The following PLAGL1 variants were observed in gnomAD, a reference collection of about 807,000 sequenced individuals.
PLAGL1 encodes the protein zinc finger protein PLAGL1.
In PLAGL1, 1 loss-of-function variant was observed where a neutral mutation model predicts 4.6. The observed-to-expected ratio is 0.22, with a 90% confidence interval of 0.08 to 1.03. The LOEUF (loss-of-function observed/expected upper bound fraction) is 1.03, where lower values mean the gene tolerates loss of function less well. Ranked by LOEUF, PLAGL1 falls within the 50% of genes least tolerant of loss-of-function variation. The pLI, the probability that PLAGL1 is intolerant of heterozygous loss-of-function variation, is 0.58. For synonymous variants in PLAGL1, 240 were observed against 237.8 expected, an observed-to-expected ratio of 1.01 and a Z score of -0.08; for missense variants, 464 against 570.4, an observed-to-expected ratio of 0.81 and a Z score of 1.90.
In PLAGL1 at chr6:143,973,261, C is replaced by G. The variant is rs1384959628; in HGVS notation, c.-543-4283G>C. Reference sequence around the variant, plus strand: ...AGATCAAAGGCCCACCTCTCTTTCCCTCCATTGCTTTCATTAGGCCCAGCC... The same window carrying G: ...AGATCAAAGGCCCACCTCTCTTTCCGTCCATTGCTTTCATTAGGCCCAGCC... On this transcript the variant is annotated intron_variant, in intron 2 of 7. Transcript: ENST00000674357. This position sits in a 1 kb window ranked among gnomAD's most constrained non-coding sequence, Gnocchi z 6.2. Among the ~76,000 whole-genome samples the G allele has an allele frequency of 6.6e-6, 1 of 152,210 alleles. No homozygotes were observed. The highest frequency in any genetic ancestry group is 1.5e-5 in the Non-Finnish European group (1 of 68,036).
chr6:144,040,161 T>G (rs554158108), intron 1 of PLAGL1, among the ~76,000 whole-genome samples: 21 of 152,216 alleles, frequency 1.4e-4, no homozygotes, highest in Non-Finnish European at 2.6e-4. Context: ...TCATGGTAAG[T>G]ACTAAATACA....
chr6:144,052,336 T>A (rs1798637842), intron 1 of PLAGL1, among the ~76,000 whole-genome samples: 1 of 152,218 alleles, frequency 6.6e-6, no homozygotes, highest in Non-Finnish European at 1.5e-5. Context: ...TGATATTCAA[T>A]AAGGGTCCTT....
In PLAGL1 at chr6:143,963,259, C is replaced by T. The variant is rs1783742854; in HGVS notation, c.-399+1528G>A. ...CCTTGAAGTCAGAAGCCTCCCAAAT[C>T]TCTATCTTCAATCCTGAACTTTCTT... On this transcript the variant is annotated intron_variant, in intron 5 of 7. Coordinates refer to ENST00000674357, the MANE Select transcript of PLAGL1 (RefSeq NM_001317162.2). This position sits in a 1 kb window ranked among gnomAD's most constrained non-coding sequence, Gnocchi z 6.1. 6.6e-6 allele frequency among the ~76,000 whole-genome samples: 1 copy of T among 152,218 alleles called. No individual in the cohort carries two copies. The highest frequency in any genetic ancestry group is 2.4e-5 in the African/African-American group (1 of 41,460).
chr6:144,018,807 G>A (rs1583726314), intron 1 of PLAGL1, among the ~76,000 whole-genome samples: 1 of 152,176 alleles, frequency 6.6e-6, no homozygotes, highest in East Asian at 1.9e-4. Context: ...CACATATGTA[G>A]TATTCCTGCC....
Position 143,983,319 on chromosome 6 carries a change from C to A in PLAGL1, c.-544+1816G>T, listed in dbSNP as rs1788346719. On this transcript the variant is annotated intron_variant, in intron 2 of 7. Coordinates refer to ENST00000674357, the MANE Select transcript of PLAGL1 (RefSeq NM_001317162.2). This position sits in a 1 kb window ranked among gnomAD's most constrained non-coding sequence, Gnocchi z 6.6. ...ACTTTGGTGGAATGCCCAGACAGAA[C>A]TGAGAAATTGTGTAAAAGGAAGCAG... Among the ~76,000 whole-genome samples, 2 of 152,070 alleles carry A rather than the reference C, an allele frequency of 1.3e-5. No homozygotes were observed. Among genetic ancestry groups the A allele is most frequent in the African/African-American group, 4.8e-5 (2 of 41,400 alleles).
chr6:144,042,476 A>G (rs1797819700), intron 1 of PLAGL1, among the ~76,000 whole-genome samples: 1 of 152,150 alleles, frequency 6.6e-6, no homozygotes, highest in Non-Finnish European at 1.5e-5. Flanking sequence ...CAAAGACCAG[A>G]TGGTTGTAGA....
At position 144,050,322 on chromosome 6, in the gene PLAGL1, C is replaced by T. The variant is rs56361400; in HGVS notation, c.-151+14146G>A. 6.6e-6 allele frequency among the ~76,000 whole-genome samples: 1 copy of T among 152,164 alleles called. No homozygotes were observed. On this transcript the variant is annotated intron_variant, in intron 1 of 3. Coordinates refer to the PLAGL1 transcript ENST00000437412. This position sits in a 1 kb window ranked among gnomAD's most constrained non-coding sequence, Gnocchi z 4.3. ...CCTTGAAATCGACTGCTGAACTCAA[C>T]TAAGTGAAATATGTCCATAACACAA...
chr6:144,043,197 A>G lies in PLAGL1; in HGVS notation c.-151+21271T>C, dbSNP rs536002922. 1.5e-4 allele frequency among the ~76,000 whole-genome samples: 23 copies of G among 152,330 alleles called. No individual in the cohort carries two copies. In the South Asian group the frequency reaches 4.8e-3, roughly 32 times the overall value. On this transcript the variant is annotated intron_variant, in intron 1 of 3. Coordinates refer to the PLAGL1 transcript ENST00000437412. ...CTTTTGCCTGATTGCCCTGGCCAGA[A>G]CTTCCAACACTATGTTGAATTGAAG... is the stretch of plus-strand genomic sequence containing the variant.
intron 1 of PLAGL1, among the ~76,000 whole-genome samples, chr6:144,014,491 C>G (rs557484286): frequency 5.9e-5 from 9 of 152,158 alleles, no homozygotes; most frequent in African/African-American, 1.9e-4. Context: ...CAGTAGGGTA[C>G]TGACAAAAGA....
Position 143,942,554 on chromosome 6 carries a change from T to C in PLAGL1, c.262A>G (p.Lys88Glu). Reference sequence around the variant, plus strand: ...CACTCCTCACACCCAAAGGCCATTTTGTTGGGGTCGTGGGTCTGGAGGTGG... The same window carrying C: ...CACTCCTCACACCCAAAGGCCATTTCGTTGGGGTCGTGGGTCTGGAGGTGG... ...KNHLQTHDPNKMAFGCEECGK... is the reference protein window; with the variant it reads ...KNHLQTHDPNEMAFGCEECGK... The change falls in exon 8 of 8, where the codon AAA becomes GAA. Residue 88 changes from lysine (K) to glutamate (E), a missense_variant. By Grantham distance (56) the Lys-to-Glu change is moderately conservative. Around this residue, in one of 4 missense-constraint regions of PLAGL1, gnomAD observed 161 missense variants for 196.7 expected, o/e 0.82. Transcript: ENST00000674357. The surrounding 1 kb of genome is among the most constrained non-coding windows in gnomAD (Gnocchi z 7.6). 2.5e-6 allele frequency: 4 copies of C among 1,614,144 alleles called. No homozygotes were observed. The highest frequency in any genetic ancestry group is 3.4e-6 in the Non-Finnish European group (4 of 1,180,030).
In PLAGL1 at chr6:143,975,821, C is replaced by T. The variant is rs983664026; in HGVS notation, c.-543-6843G>A. ...AGTGTGGTTTTTCTGCACAATTCAG[C>T]TTTACTTCTTGCCACTTAGCCATTT... On this transcript the variant is annotated intron_variant, in intron 2 of 7. Transcript: ENST00000674357. This position sits in a 1 kb window ranked among gnomAD's most constrained non-coding sequence, Gnocchi z 5.8. Among the ~76,000 whole-genome samples the T allele has an allele frequency of 1.3e-5, 2 of 152,210 alleles. No individual in the cohort carries two copies. The highest frequency in any genetic ancestry group is 2.9e-5 in the Non-Finnish European group (2 of 68,038).
chr6:143,976,891 T>TA (rs1786675390), intron 2 of PLAGL1, among the ~76,000 whole-genome samples: 1 of 152,242 alleles, frequency 6.6e-6, no homozygotes, highest in South Asian at 2.1e-4. Context: ...CATAGACATG[T>TA]AGTGCTACAA....
In PLAGL1 at chr6:144,016,242, A is replaced by C. The variant is rs551391495; in HGVS notation, c.-150-47264T>G. On this transcript the variant is annotated intron_variant, in intron 1 of 3. Coordinates refer to the PLAGL1 transcript ENST00000437412. This position sits in a 1 kb window ranked among gnomAD's most constrained non-coding sequence, Gnocchi z 4.2. ...CCAGTCCGAGTCCCAAAACTGAAGA[A>C]CTTGGAGTCTGATGTTAGAGGGCAG... Among the ~76,000 whole-genome samples the C allele has an allele frequency of 6.6e-5, 10 of 152,302 alleles. No individual in the cohort carries two copies. Among genetic ancestry groups the C allele is most frequent in the African/African-American group, 2.4e-4 (10 of 41,546 alleles).
At chr6:144,017,263 C>A (rs1256582924) in intron 1 of PLAGL1, among the ~76,000 whole-genome samples, 1 of 152,132 alleles carries the variant, frequency 6.6e-6, no homozygotes, top group Non-Finnish European at 1.5e-5. Flanking sequence ...TGCTGGCCAT[C>A]CTCAAACTTC....
rs549134591 is a variant in PLAGL1, at chr6:143,978,875, C to T, written c.-544+6260G>A. Among the ~76,000 whole-genome samples, 241 of 152,300 alleles carry T rather than the reference C, an allele frequency of 1.6e-3. 3 individuals are homozygous for T. Among genetic ancestry groups the T allele is most frequent in the African/African-American group, 5.7e-3 (239 of 41,578 alleles). On this transcript the variant is annotated intron_variant, in intron 2 of 7. Coordinates refer to ENST00000674357, the MANE Select transcript of PLAGL1 (RefSeq NM_001317162.2). This position sits in a 1 kb window ranked among gnomAD's most constrained non-coding sequence, Gnocchi z 4.6. ...TATAGCCTTCTTGGTTTTCCAACTA[C>T]TTGATCTATTATCTATTGAAGGAAG...
rs147940165 is a variant in PLAGL1, at chr6:143,975,923, C to T, written c.-543-6945G>A. On this transcript the variant is annotated intron_variant, in intron 2 of 7. Transcript: ENST00000674357. This position sits in a 1 kb window ranked among gnomAD's most constrained non-coding sequence, Gnocchi z 5.8. ...AAGAGAAAAATACACACAGGGATATCTGTTGTCTGTAGATAGTGCTTTCAT... is the reference window on the plus strand; with the variant it reads ...AAGAGAAAAATACACACAGGGATATTTGTTGTCTGTAGATAGTGCTTTCAT... Among the ~76,000 whole-genome samples the T allele has an allele frequency of 6.0e-3, 907 of 152,286 alleles. 8 individuals are homozygous for T. The highest frequency in any genetic ancestry group is 0.014 in the Middle Eastern group (4 of 294).
rs1202495788 is a variant in PLAGL1 at position 143,945,743 on chromosome 6, G to A, written c.152+2242C>T. 6.6e-6 allele frequency among the ~76,000 whole-genome samples: 1 copy of A among 152,152 alleles called. No homozygotes were observed. The highest frequency in any genetic ancestry group is 2.4e-5 in the African/African-American group (1 of 41,428). ...ACCCACCTCGGCCTCCCAAAGTGCT[G>A]GGATTACAGGCATCATCTTTTTTTT... On this transcript the variant is annotated intron_variant, in intron 7 of 7. Transcript: ENST00000674357. The surrounding 1 kb of genome is among the most constrained non-coding windows in gnomAD (Gnocchi z 4.2).
At position 143,995,591 on chromosome 6, in the gene PLAGL1, A is replaced by C. The variant is rs1261914573; in HGVS notation, c.-583-10417T>G. 6.6e-6 allele frequency among the ~76,000 whole-genome samples: 1 copy of C among 152,156 alleles called. No individual in the cohort carries two copies. Among genetic ancestry groups the C allele is most frequent in the Non-Finnish European group, 1.5e-5 (1 of 67,982 alleles). ...TAAATTTATGAATGTTTTCTAAGTT[A>C]AATAGCTTTAAAAGCTATACTGTCA... is the stretch of plus-strand genomic sequence containing the variant. On this transcript the variant is annotated intron_variant, in intron 1 of 7. Coordinates refer to ENST00000674357, the MANE Select transcript of PLAGL1 (RefSeq NM_001317162.2). This position sits in a 1 kb window ranked among gnomAD's most constrained non-coding sequence, Gnocchi z 4.4.
intron 1 of PLAGL1, among the ~76,000 whole-genome samples, chr6:144,028,869 C>T (rs1429880784): frequency 6.6e-6 from 1 of 152,092 alleles, no homozygotes; most frequent in Non-Finnish European, 1.5e-5. Flanking sequence ...TTTTCAGAGA[C>T]CATAGAAACA....
Sources: gnomAD v4.1 joint callset for allele counts (sites outside exome capture counted in the v4.1 genomes callset) on GRCh38, gnomAD v4.1.1 for gene constraint, gnomAD v4.1.1 regional missense constraint, Gnocchi (gnomAD v3.1) non-coding constraint, MANE v1.5 for transcripts, NCBI Gene and HGNC (gene_info 2026-07-23, HGNC 2026-07-21) for gene names.